KTN1: variants seen among roughly 807,000 people sequenced by gnomAD.
KTN1 encodes the protein kinectin.
Under a neutral mutation model 222.5 loss-of-function variants are expected in KTN1, and 130 were observed. The observed-to-expected ratio is 0.58, with a 90% CI of 0.51 to 0.68. KTN1 has a LOEUF of 0.68. Ranked by LOEUF, KTN1 falls within the 30% of genes least tolerant of loss-of-function variation. The pLI is 0.00. For missense variants in KTN1, 1,508 were observed against 1,500.4 expected (o/e 1.01, Z -0.08); for synonymous variants, 512 against 496.3 (o/e 1.03, Z -0.42).
At position 55,672,713 on chromosome 14, in the gene KTN1, G is replaced by A; in HGVS notation, c.3603+12G>A. 1 of 1,532,816 alleles carries A rather than the reference G, an allele frequency of 6.5e-7. No homozygotes were observed. The allele number at this position is 1,532,816 out of a possible 1,614,324, so 95.0% of individuals were successfully genotyped here. A position where few individuals can be genotyped will look rare whatever the true frequency, so the allele number is the denominator to read the frequency against. ...AGGATATTGAAAATGTATGTTATTT[G>A]ATTGTTTTACTTGTAACCTATGGAT... On this transcript the variant is annotated intron_variant, in intron 38 of 43. Coordinates refer to ENST00000395314, the MANE Select transcript of KTN1 (RefSeq NM_001079521.2).
At chr14:55,663,452 C>T (rs1201719600) in intron 32 of KTN1, 1 of 164,654 alleles carries the variant, frequency 6.1e-6, no homozygotes, top group Non-Finnish European at 1.3e-5. Flanking sequence ...ACATAGGACA[C>T]AGTGGGTTAC....
chr14:55,673,342 T>C (rs2045614280), intron 40 of KTN1, 87 bp downstream of exon 40: 1 of 762,658 alleles, frequency 1.3e-6, no homozygotes, highest in Non-Finnish European at 2.2e-6. Context: ...CTTTTTTTTC[T>C]TTGCTAACAT....
At chr14:55,671,707 T>A in intron 36 of KTN1, 52 bp downstream of exon 36, 1 of 1,530,234 alleles carries the variant, frequency 6.5e-7, no homozygotes. Flanking sequence ...ATCATTACCT[T>A]CTTCCTTCAT....
chr14:55,581,687 T>C (rs1196309055), intron 1 of KTN1, among the ~76,000 whole-genome samples: 2 of 152,170 alleles, frequency 1.3e-5, no homozygotes, highest in Non-Finnish European at 2.9e-5. Context: ...GCATTTGTTT[T>C]CCTTAGCTTA....
chr14:55,652,250 T>C (rs1452070275), intron 25 of KTN1, among the ~76,000 whole-genome samples: 1 of 152,172 alleles, frequency 6.6e-6, no homozygotes, highest in African/African-American at 2.4e-5. Context: ...TTTTCCAAAT[T>C]TGTTTGTATT....
intron 41 of KTN1, among the ~76,000 whole-genome samples, chr14:55,676,840 G>C (rs559851663): frequency 3.3e-5 from 5 of 152,204 alleles, no homozygotes; most frequent in African/African-American, 9.6e-5. Context: ...GTGTTGTCAG[G>C]TTATTTTAGT....
chr14:55,630,653 A>T (rs1472911589), intron 7 of KTN1, among the ~76,000 whole-genome samples: 1 of 152,132 alleles, frequency 6.6e-6, no homozygotes, highest in African/African-American at 2.4e-5. Flanking sequence ...TGAAGAAGGG[A>T]TATTGAGAAG....
intron 5 of KTN1, among the ~76,000 whole-genome samples, chr14:55,624,626 A>G (rs1053734089): frequency 6.6e-6 from 1 of 152,186 alleles, no homozygotes; most frequent in Non-Finnish European, 1.5e-5. Flanking sequence ...TGGTAGATGT[A>G]TATTAGATCA....
At chr14:55,660,020 G>T (rs548461909) in intron 31 of KTN1, among the ~76,000 whole-genome samples, 3 of 151,960 alleles carry the variant, frequency 2.0e-5, no homozygotes, top group African/African-American at 7.3e-5. Flanking sequence ...TATCTTACTG[G>T]GTCTTCTTTC....
intron 1 of KTN1, among the ~76,000 whole-genome samples, chr14:55,599,547 C>T (rs570849849): frequency 1.3e-5 from 2 of 151,540 alleles, no homozygotes; most frequent in Non-Finnish European, 2.9e-5. Context: ...TCACTGCCAA[C>T]CTCTGCCGCA....
intron 19 of KTN1, among the ~76,000 whole-genome samples, chr14:55,647,264 C>T (rs555364374): frequency 2.6e-5 from 4 of 152,094 alleles, no homozygotes; most frequent in African/African-American, 4.8e-5. Context: ...TCAAAGATCC[C>T]TAGAAGCCTT....
intron 29 of KTN1, chr14:55,656,342 A>T (rs913653160): frequency 2.3e-6 from 1 of 425,696 alleles, no homozygotes; most frequent in Non-Finnish European, 4.2e-6. Context: ...TACTCTGTTG[A>T]ACTATACTAA....
chr14:55,659,243 A>T (rs1386150079), intron 30 of KTN1, among the ~76,000 whole-genome samples: 1 of 151,632 alleles, frequency 6.6e-6, no homozygotes, highest in African/African-American at 2.4e-5. Flanking sequence ...TTGCATGTTG[A>T]TGTATAAATA....
chr14:55,664,668 C>G (rs947595633), intron 33 of KTN1, among the ~76,000 whole-genome samples: 1 of 152,122 alleles, frequency 6.6e-6, no homozygotes, highest in African/African-American at 2.4e-5. Context: ...ATAGCCCCCT[C>G]TGTCTTCAGA....
At chr14:55,619,597 G>C (rs974374500) in intron 5 of KTN1, among the ~76,000 whole-genome samples, 1 of 152,108 alleles carries the variant, frequency 6.6e-6, no homozygotes, top group Non-Finnish European at 1.5e-5. Context: ...TGAAAGGCAC[G>C]TCTTATATGG....
chr14:55,672,583 A>G lies in KTN1; in HGVS notation c.3532-47A>G, dbSNP rs202096609. On this transcript the variant is annotated intron_variant, in intron 37 of 43. Coordinates refer to ENST00000395314, the MANE Select transcript of KTN1 (RefSeq NM_001079521.2). ...AGAATTCTACAGGATAGAAACTGCT[A>G]TATCCTTGGTGGTTTTACTTGGCCA... The G allele has an allele frequency of 5.8e-4, 663 of 1,138,446 alleles. 6 individuals carry two copies. The East Asian group carries it at 0.012, about 21-fold the overall frequency. 70.5% of individuals were successfully genotyped at this position (1,138,446 alleles called of 1,614,324 possible).
chr14:55,649,867 T>TG, intron 22 of KTN1, 54 bp downstream of exon 22: 2 of 993,270 alleles, frequency 2.0e-6, no homozygotes, highest in East Asian at 2.6e-5. Context: ...CATTTTTTTT[T>TG]TGTGTGTGCT....
chr14:55,652,874 G>A lies in KTN1; in HGVS notation c.2628G>A (p.Met876Ile). 1.2e-6 allele frequency: 2 copies of A among 1,607,842 alleles called. No individual in the cohort carries two copies. Among genetic ancestry groups the A allele is most frequent in the East Asian group, 2.2e-5 (1 of 44,742 alleles). ...QNLLKGKEEQ[M>I]NTMKAVLEEK... is the part of the protein sequence containing the mutation. ...GATTAAAAGGAAAAGAGGAACAGAT[G>A]AATACCATGAAGGCTGTTTTGGAAG... Residue 876 changes from methionine (M) to isoleucine (I), a missense_variant, in exon 26 of 44, where the codon ATG becomes ATA. Coordinates refer to ENST00000395314, the MANE Select transcript of KTN1 (RefSeq NM_001079521.2).
intron 7 of KTN1, among the ~76,000 whole-genome samples, chr14:55,632,588 G>C: frequency 7.6e-6 from 1 of 130,992 alleles, no homozygotes; most frequent in Admixed American, 7.4e-5. Context: ...ACACAATGAA[G>C]AGAGTTATGG....
Sources: gnomAD v4.1 joint callset for allele counts (sites outside exome capture counted in the v4.1 genomes callset) on GRCh38, gnomAD v4.1.1 for gene constraint, MANE v1.5 for transcripts, NCBI Gene and HGNC (gene_info 2026-07-23, HGNC 2026-07-21) for gene names.